The following MEGF10 variants were observed in gnomAD, a reference collection of about 807,000 sequenced individuals.
MEGF10 encodes multiple EGF like domains 10, also known as multiple epidermal growth factor-like domains protein 10.
A neutral mutation model predicts 147.5 loss-of-function variants in MEGF10; 86 were observed. The ratio of observed to expected loss-of-function variants is 0.58; its 90% CI spans 0.49 to 0.70. The LOEUF is 0.70. MEGF10 is among the 30% of genes least tolerant of loss of function. The pLI is 0.00. For synonymous variants in MEGF10, 478 were observed against 525.5 expected, an observed-to-expected ratio of 0.91 and a Z score of 1.24; for missense variants, 1,329 against 1,487.3, an observed-to-expected ratio of 0.89 and a Z score of 1.75.
intron 1 of MEGF10, among the ~76,000 whole-genome samples, chr5:127,291,526 T>G (rs1393902367): frequency 2.6e-5 from 4 of 152,176 alleles, no homozygotes; most frequent in African/African-American, 7.2e-5. Context: ...GTATTCAGAT[T>G]GTGCAGATAA....
Position 127,455,622 on chromosome 5 carries a change from C to T in MEGF10, c.3232+15C>T. On this transcript the variant is annotated intron_variant, in intron 24 of 24. Transcript: ENST00000503335. ...CTATGAAGTTGGTGAGTTCCCTTAA[C>T]CATAGAAAGAACCGAGTGCTTAAGT... is the stretch of plus-strand genomic sequence containing the variant. 4.3e-6 allele frequency: 7 copies of T among 1,610,648 alleles called. No homozygotes were observed. The highest frequency in any genetic ancestry group is 2.2e-5 in the East Asian group (1 of 44,818).
intron 4 of MEGF10, among the ~76,000 whole-genome samples, chr5:127,342,083 T>C (rs1761702357): frequency 6.6e-6 from 1 of 152,234 alleles, no homozygotes; most frequent in Non-Finnish European, 1.5e-5. Context: ...AATTTTTTCT[T>C]AATTTGCATT....
At position 127,343,546 on chromosome 5, in the gene MEGF10, GTTC is replaced by G. The variant is rs764044812; in HGVS notation, c.319+2919_319+2921del. Among the ~76,000 whole-genome samples, 10 of 152,116 alleles carry G rather than the reference GTTC, an allele frequency of 6.6e-5. No homozygotes were observed. The East Asian group carries it at 7.7e-4, about 12-fold the overall frequency. ...CAAGTGTTAGTGACATGTCCTTTTG[GTTC>G]TTATCTTCCCCTCACCCACTCCTCC... On this transcript the variant is annotated intron_variant, in intron 4 of 24. Coordinates refer to ENST00000503335, the MANE Select transcript of MEGF10 (RefSeq NM_001256545.2).
intron 1 of MEGF10, among the ~76,000 whole-genome samples, chr5:127,317,796 A>T (rs901163357): frequency 1.3e-5 from 2 of 152,158 alleles, no homozygotes; most frequent in Admixed American, 1.3e-4. Context: ...GAAATACCTA[A>T]TATAAATGAT....
At chr5:127,404,069 A>G (rs929622041) in intron 8 of MEGF10, among the ~76,000 whole-genome samples, 2 of 152,148 alleles carry the variant, frequency 1.3e-5, no homozygotes, top group Non-Finnish European at 2.9e-5. Context: ...ACAGTGTACA[A>G]GGGTTCCGTT....
At chr5:127,369,561 G>A (rs772196257) in intron 4 of MEGF10, among the ~76,000 whole-genome samples, 27 of 152,010 alleles carry the variant, frequency 1.8e-4, no homozygotes, top group Admixed American at 3.3e-4. Context: ...TTTGTGTTTC[G>A]TTTCTCTATA....
the MEGF10 span, among the ~76,000 whole-genome samples, chr5:127,269,433 G>A: frequency 7.9e-5 from 12 of 152,182 alleles, no homozygotes; most frequent in Non-Finnish European, 1.5e-4. Flanking sequence ...CAAGAACTAC[G>A]TGACAAATGC....
At position 127,458,957 on chromosome 5, in the gene MEGF10, G is replaced by T. The variant is rs547073594; in HGVS notation, c.*1639G>T. ...CAGACTTATCTTGCAATATGAGAATGCTGACACAATGCAGGAAAGCCAGTT... is the reference window on the plus strand; with the variant it reads ...CAGACTTATCTTGCAATATGAGAATTCTGACACAATGCAGGAAAGCCAGTT... On this transcript the variant is annotated 3_prime_UTR_variant, in exon 25 of 25. Coordinates refer to ENST00000503335, the MANE Select transcript of MEGF10 (RefSeq NM_001256545.2). 1 of 152,286 alleles carries T rather than the reference G, an allele frequency of 6.6e-6. No individual in the cohort carries two copies. The highest frequency in any genetic ancestry group is 2.4e-5 in the African/African-American group (1 of 41,564). The allele number at this position is 152,286 out of a possible 1,614,324, so 9.4% of individuals were successfully genotyped here. A position where few individuals can be genotyped will look rare whatever the true frequency, so the allele number is the denominator to read the frequency against.
At chr5:127,252,960 T>C in the MEGF10 span, among the ~76,000 whole-genome samples, 1 of 151,824 alleles carries the variant, frequency 6.6e-6, no homozygotes, top group East Asian at 1.9e-4. Flanking sequence ...GCTAGCATAA[T>C]CATGAAGCCA....
At chr5:127,300,308 C>T (rs7702573) in intron 1 of MEGF10, among the ~76,000 whole-genome samples, 10,894 of 152,162 alleles carry the variant, frequency 0.072, 669 homozygotes, top group African/African-American at 0.16. Context: ...CTTCCAGGCC[C>T]GAATACTGTG....
At chr5:127,455,364 C>T in intron 23 of MEGF10, 37 bp from the exon 24 acceptor site, 1 of 1,535,960 alleles carries the variant, frequency 6.5e-7, no homozygotes. Flanking sequence ...TTGCCAGTGA[C>T]ACAGCATTAG....
At chr5:127,411,882 C>T (rs1337943307) in intron 9 of MEGF10, among the ~76,000 whole-genome samples, 1 of 152,132 alleles carries the variant, frequency 6.6e-6, no homozygotes, top group Non-Finnish European at 1.5e-5. Context: ...GTAGTGACAA[C>T]TAAGAACATT....
At chr5:127,364,072 G>A (rs1373994888) in intron 4 of MEGF10, among the ~76,000 whole-genome samples, 1 of 152,120 alleles carries the variant, frequency 6.6e-6, no homozygotes, top group Non-Finnish European at 1.5e-5. Flanking sequence ...ACCCCAGTTG[G>A]AATTAACTGC....
chr5:127,455,756 T>A (rs1766341369), intron 24 of MEGF10, 149 bp downstream of exon 24: 1 of 668,234 alleles, frequency 1.5e-6, no homozygotes, highest in Admixed American at 3.4e-5. Flanking sequence ...TTTTATGTAT[T>A]TTTTGAGATG....
At chr5:127,283,805 A>T in the MEGF10 span, among the ~76,000 whole-genome samples, 1 of 152,246 alleles carries the variant, frequency 6.6e-6, no homozygotes, top group Non-Finnish European at 1.5e-5. Flanking sequence ...GTGTTGTTTC[A>T]TGAAACTTGT....
At chr5:127,353,469 G>A (rs77934412) in intron 4 of MEGF10, among the ~76,000 whole-genome samples, 2,642 of 152,312 alleles carry the variant, frequency 0.017, 66 homozygotes, top group Middle Eastern at 0.095. Context: ...TACCCTCTGT[G>A]GGAAGGATTG....
In MEGF10 at chr5:127,447,587, C is replaced by T. The variant is rs1288088472; in HGVS notation, c.2759C>T (p.Ala920Val). 1.9e-6 allele frequency: 3 copies of T among 1,614,154 alleles called. No individual in the cohort carries two copies. The highest frequency in any genetic ancestry group is 2.5e-6 in the Non-Finnish European group (3 of 1,180,002). Residue 920 changes from alanine (A) to valine (V), a missense_variant, in exon 21 of 25, where the codon GCT becomes GTT. Ala to Val is a moderately conservative substitution (Grantham distance 64). Coordinates refer to ENST00000503335, the MANE Select transcript of MEGF10 (RefSeq NM_001256545.2). ...GTLPHSNGGN[A>V]NSHYFTNPSY... The stretch of plus-strand genomic sequence containing the variant: ...CTTCCTCACAGCAATGGTGGAAACG[C>T]TAATAGCCACTACTTCACCAATCCC...
intron 1 of MEGF10, among the ~76,000 whole-genome samples, chr5:127,318,584 A>G (rs1276631431): frequency 2.0e-5 from 3 of 152,202 alleles, no homozygotes; most frequent in Non-Finnish European, 4.4e-5. Context: ...AAATCATCCT[A>G]GAATATACAA....
chr5:127,447,676 G>C lies in MEGF10; in HGVS notation c.2848G>C (p.Val950Leu), dbSNP rs148280932. 2.2e-5 allele frequency: 35 copies of C among 1,614,136 alleles called. No homozygotes were observed. In the African/African-American group the frequency reaches 4.3e-4, roughly 20 times the overall value. The stretch of plus-strand genomic sequence containing the variant: ...CGTCAACAACAGGGACAGGATGACT[G>C]TCACGAAGGTGAGAGGAATTGGTTC... The part of the protein sequence containing the change: ...PHVNNRDRMT[V>L]TKSKNNQLFV... Residue 950 changes from valine (V) to leucine (L), a missense_variant, in exon 21 of 25, where the codon GTC (valine) becomes CTC (leucine). This residue lies in a region of MEGF10 where 343 missense variants were observed against 377.9 expected (regional missense o/e 0.91). Coordinates refer to ENST00000503335, the MANE Select transcript of MEGF10 (RefSeq NM_001256545.2).
Sources: allele counts gnomAD v4.1 joint callset (sites outside exome capture counted in the v4.1 genomes callset), GRCh38; gene constraint gnomAD v4.1.1; regional missense constraint gnomAD v4.1.1; transcripts MANE v1.5; gene names NCBI Gene and HGNC (gene_info 2026-07-23, HGNC 2026-07-21).